DCAF8L2: variants seen among roughly 807,000 people sequenced by gnomAD.
DCAF8L2 encodes DDB1 and CUL4 associated factor 8 like 2.
For synonymous variants in DCAF8L2, 200 were observed against 190.9 expected (o/e 1.05, Z -0.39); for missense variants, 430 against 490.7 (o/e 0.88, Z 1.17).
chrX:27,676,017 C>T (rs1196169461), intron 2 of DCAF8L2, among the ~76,000 whole-genome samples: 1 of 111,790 alleles, frequency 8.9e-6, no homozygotes, highest in African/African-American at 3.3e-5. Context: ...TAAATGTAGA[C>T]CAAAAGAAAA....
intron 2 of DCAF8L2, among the ~76,000 whole-genome samples, chrX:27,672,843 A>C (rs1359236513): frequency 8.9e-6 from 1 of 112,099 alleles, no homozygotes; most frequent in African/African-American, 3.2e-5. Flanking sequence ...GTCAAATTTG[A>C]ATTTCCAGTT....
the DCAF8L2 span, among the ~76,000 whole-genome samples, chrX:27,522,233 G>T: frequency 1.8e-5 from 2 of 111,428 alleles, no homozygotes; most frequent in Admixed American, 9.6e-5. Flanking sequence ...CTCCATGTTG[G>T]TCAGGCTGCT....
chrX:27,551,648 A>C, the DCAF8L2 span, among the ~76,000 whole-genome samples: 24,168 of 110,572 alleles, frequency 0.22, 2,321 homozygotes, highest in East Asian at 0.36. Flanking sequence ...CCATGTTGCC[A>C]CAGAAGAAAG....
At chrX:27,608,523 C>A (rs1927011242) in intron 1 of DCAF8L2, among the ~76,000 whole-genome samples, 1 of 111,404 alleles carries the variant, frequency 9.0e-6, no homozygotes. Flanking sequence ...CTAACTTAAG[C>A]AACAATGCAT....
At chrX:27,636,937 A>G (rs1329803816) in intron 2 of DCAF8L2, among the ~76,000 whole-genome samples, 6 of 111,665 alleles carry the variant, frequency 5.4e-5, no homozygotes, top group Non-Finnish European at 1.1e-4. Flanking sequence ...ATATCTGAGT[A>G]TTGATTTCCA....
chrX:27,502,317 TAAAAAA>T, the DCAF8L2 span, among the ~76,000 whole-genome samples: 24 of 13,982 alleles, frequency 1.7e-3, no homozygotes, highest in African/African-American at 6.3e-3. Flanking sequence ...TGAAACTCTG[TAAAAAA>T]AAAAAAAAAA....
chrX:27,476,615 A>G, the DCAF8L2 span, among the ~76,000 whole-genome samples: 3 of 111,641 alleles, frequency 2.7e-5, no homozygotes, highest in African/African-American at 9.8e-5. Flanking sequence ...CTCTATGTGA[A>G]TGTGACTTAA....
chrX:27,563,984 G>C, the DCAF8L2 span, among the ~76,000 whole-genome samples: 1 of 112,184 alleles, frequency 8.9e-6, no homozygotes, highest in Non-Finnish European at 1.9e-5. Context: ...TACACTGGCT[G>C]TACTTTCAAT....
At chrX:27,513,157 G>A in the DCAF8L2 span, among the ~76,000 whole-genome samples, 3 of 111,591 alleles carry the variant, frequency 2.7e-5, no homozygotes, top group African/African-American at 6.5e-5. Flanking sequence ...AAAACATAGA[G>A]GAAACTCTTC....
chrX:27,649,683 A>G (rs189418290), intron 2 of DCAF8L2, among the ~76,000 whole-genome samples: 2 of 111,651 alleles, frequency 1.8e-5, no homozygotes, highest in African/African-American at 6.5e-5. Flanking sequence ...TAAGTTCCTA[A>G]TGGATTCTTA....
At chrX:27,643,789 C>T (rs753413098) in intron 2 of DCAF8L2, among the ~76,000 whole-genome samples, 1 of 111,710 alleles carries the variant, frequency 9.0e-6, no homozygotes, top group South Asian at 3.7e-4. Flanking sequence ...ATTTCTCATA[C>T]AATACCTAAT....
In DCAF8L2 at chrX:27,718,649, A is replaced by G. The variant is rs775110786; in HGVS notation, c.-59+2478A>G. Among the ~76,000 whole-genome samples, 7 of 111,707 alleles carry G rather than the reference A, an allele frequency of 6.3e-5. No homozygotes were observed. The East Asian group carries it at 2.0e-3, about 32-fold the overall frequency. On this transcript the variant is annotated intron_variant, in intron 4 of 4. Transcript: ENST00000451261. ...AACTGAAGGCCTAAGTAGAAAAAAAAACAGCCAGCCTTTCTGAGAACAAGA... is the reference window on the plus strand; with the variant it reads ...AACTGAAGGCCTAAGTAGAAAAAAAGACAGCCAGCCTTTCTGAGAACAAGA...
At chrX:27,630,282 A>C (rs888019664) in intron 1 of DCAF8L2, among the ~76,000 whole-genome samples, 1 of 111,824 alleles carries the variant, frequency 8.9e-6, no homozygotes, top group South Asian at 3.7e-4. Context: ...GATTATGGGT[A>C]AATTTCTATA....
chrX:27,576,311 T>G, the DCAF8L2 span, among the ~76,000 whole-genome samples: 1 of 112,192 alleles, frequency 8.9e-6, no homozygotes, highest in Non-Finnish European at 1.9e-5. Context: ...ACAGTTCAAC[T>G]TGAGTCTTAC....
the DCAF8L2 span, among the ~76,000 whole-genome samples, chrX:27,475,288 T>C: frequency 8.9e-6 from 1 of 112,150 alleles, no homozygotes; most frequent in Admixed American, 9.5e-5. Flanking sequence ...AAAGTTAAGT[T>C]TCCCAAATCA....
chrX:27,678,581 A>C (rs1930218935), intron 3 of DCAF8L2, among the ~76,000 whole-genome samples: 1 of 112,466 alleles, frequency 8.9e-6, no homozygotes, highest in African/African-American at 3.2e-5. Flanking sequence ...TTTGAGAAAT[A>C]AGCTAGACAC....
At chrX:27,533,679 C>CA in the DCAF8L2 span, among the ~76,000 whole-genome samples, 1 of 111,347 alleles carries the variant, frequency 9.0e-6, no homozygotes, top group Admixed American at 9.6e-5. Context: ...TTAAACAAGA[C>CA]AAAAAACCTG....
chrX:27,631,343 G>A (rs1010330140), intron 1 of DCAF8L2, among the ~76,000 whole-genome samples: 1 of 111,396 alleles, frequency 9.0e-6, no homozygotes, highest in Non-Finnish European at 1.9e-5. Context: ...AAGAAGACAA[G>A]GATGCCAACT....
At chrX:27,713,716 T>C (rs1219448081) in intron 3 of DCAF8L2, among the ~76,000 whole-genome samples, 4 of 111,706 alleles carry the variant, frequency 3.6e-5, no homozygotes, top group African/African-American at 1.3e-4. Context: ...TTATAAACTT[T>C]GTCAGCCATA....
Sources: allele counts gnomAD v4.1 joint callset (sites outside exome capture counted in the v4.1 genomes callset), GRCh38; gene constraint gnomAD v4.1.1; transcripts MANE v1.5; gene names NCBI Gene and HGNC (gene_info 2026-07-23, HGNC 2026-07-21).